CC2D2A: variants seen among roughly 807,000 people sequenced by gnomAD.
The protein encoded by CC2D2A is coiled-coil and C2 domain containing 2A.
In CC2D2A, 155 loss-of-function variants were observed where a neutral mutation model predicts 212.9. The observed-to-expected ratio is 0.73, with a 90% CI of 0.64 to 0.83. CC2D2A has a LOEUF of 0.83. Among genes scored for constraint, CC2D2A ranks in the 40% least tolerant of loss-of-function variants. CC2D2A has a pLI of 0.00. For synonymous variants in CC2D2A, 667 were observed against 686.5 expected (o/e 0.97, Z 0.44); for missense variants, 1,856 against 1,956.2 (o/e 0.95, Z 0.97).
rs16892059 is a variant in CC2D2A at position 15,498,097 on chromosome 4, G to T, written c.248-4332G>T. On this transcript the variant is annotated intron_variant, in intron 4 of 36. Transcript: ENST00000424120. ...TAAGCCTGGGTAACAGTGAGTATGG[G>T]TGATAGGAAAGAGGAGAGAGAGTGC... Among the ~76,000 whole-genome samples, 915 of 152,282 alleles carry T rather than the reference G, an allele frequency of 6.0e-3. 11 individuals carry two copies. The highest frequency in any genetic ancestry group is 0.021 in the African/African-American group (872 of 41,562).
chr4:15,533,051 C>T (rs896556583), intron 13 of CC2D2A, 142 bp from the exon 14 acceptor site: 1 of 603,274 alleles, frequency 1.7e-6, no homozygotes, highest in African/African-American at 2.0e-5. Context: ...TCTTTACATT[C>T]ACATTTGTAT....
Position 15,580,074 on chromosome 4 carries a change from TA to T in CC2D2A, c.3880del (p.Ser1294AlafsTer14), listed in dbSNP as rs1194741474. On this transcript the variant is annotated frameshift_variant, in exon 30 of 37. Transcript: ENST00000424120. LOFTEE classifies it high-confidence loss of function. ...CAGTGCCTTACAACAGTAATTGATA[TA>T]AGCGGAAAAACTGTTTTTATCACAC... ...NRQCLTTVID[I>X]SGKTVFITRY... 6.2e-7 allele frequency: 1 copy of T among 1,613,850 alleles called. No homozygotes were observed. Among genetic ancestry groups the T allele is most frequent in the Admixed American group, 1.7e-5 (1 of 60,012 alleles).
At chr4:15,579,947 A>G (rs1024138045) in intron 29 of CC2D2A, 21 bp from the exon 30 acceptor site, 4 of 1,589,626 alleles carry the variant, frequency 2.5e-6, no homozygotes, top group Non-Finnish European at 3.5e-6. Flanking sequence ...CATAAACTCC[A>G]TGAAGTCTTT....
intron 17 of CC2D2A, among the ~76,000 whole-genome samples, chr4:15,546,322 C>T (rs900649749): frequency 3.9e-5 from 6 of 152,172 alleles, no homozygotes; most frequent in African/African-American, 1.4e-4. Context: ...GTAACTTTAT[C>T]CTACATTCAT....
At chr4:15,569,955 G>A (rs890738221) in intron 27 of CC2D2A, among the ~76,000 whole-genome samples, 17 of 152,140 alleles carry the variant, frequency 1.1e-4, no homozygotes, top group Non-Finnish European at 1.3e-4. Context: ...TTTCCTAGCC[G>A]TCACTCAAGA....
At chr4:15,565,024 G>T (rs7674380) in intron 24 of CC2D2A, among the ~76,000 whole-genome samples, 145,925 of 152,264 alleles carry the variant, frequency 0.96, 70,224 homozygotes, top group East Asian at 1. Context: ...TAACTAATTC[G>T]TTAACCTATT....
At chr4:15,567,554 A>G (rs941655728) in intron 25 of CC2D2A, 72 bp downstream of exon 25, 1 of 1,392,708 alleles carries the variant, frequency 7.2e-7, no homozygotes, top group South Asian at 1.3e-5. Flanking sequence ...AACTTCATGG[A>G]TAGTCTGCTC....
chr4:15,553,445 GGTAAAAACAAAAAAT>G lies in CC2D2A; in HGVS notation c.2486+143_2486+157del, dbSNP rs146708633. 6,050 of 969,044 alleles carry G rather than the reference GGTAAAAACAAAAAAT, an allele frequency of 6.2e-3. 280 individuals are homozygous for G. The East Asian group carries it at 0.12, about 19-fold the overall frequency. The allele number at this position is 969,044 out of a possible 1,614,324, so 60.0% of individuals were successfully genotyped here. A position where few individuals can be genotyped will look rare whatever the true frequency, so the allele number is the denominator to read the frequency against. Reference sequence around the variant, plus strand: ...ATTTTCAAGAGTTTTTTATTCTTAAGGTAAAAACAAAAAATGTTTTATAATAACCTCTAGTCCAAA... The same window carrying G: ...ATTTTCAAGAGTTTTTTATTCTTAAGGTTTTATAATAACCTCTAGTCCAAA... On this transcript the variant is annotated intron_variant, in intron 19 of 36. Transcript: ENST00000424120.
chr4:15,553,023 G>A, intron 18 of CC2D2A, 135 bp from the exon 19 acceptor site: 1 of 674,926 alleles, frequency 1.5e-6, no homozygotes, highest in Non-Finnish European at 2.3e-6. Context: ...CAGTGACACT[G>A]GCTTGAATCA....
chr4:15,575,912 C>G (rs115895480), intron 29 of CC2D2A, among the ~76,000 whole-genome samples: 2 of 152,284 alleles, frequency 1.3e-5, no homozygotes, highest in Non-Finnish European at 2.9e-5. Context: ...TTCTAAAACA[C>G]GTGAAAGCAG....
intron 23 of CC2D2A, among the ~76,000 whole-genome samples, chr4:15,561,179 C>T (rs1454834375): frequency 6.6e-6 from 1 of 152,158 alleles, no homozygotes; most frequent in Non-Finnish European, 1.5e-5. Flanking sequence ...GCTTGATTGA[C>T]TCATTAGTTT....
intron 4 of CC2D2A, among the ~76,000 whole-genome samples, chr4:15,501,343 G>C (rs1176908842): frequency 6.6e-6 from 1 of 151,916 alleles, no homozygotes. Flanking sequence ...CTCACACCAG[G>C]ACATCCTGAC....
chr4:15,531,826 G>T (rs1359929474), intron 13 of CC2D2A, among the ~76,000 whole-genome samples: 2 of 152,126 alleles, frequency 1.3e-5, no homozygotes, highest in African/African-American at 4.8e-5. Context: ...AAGATGTCAT[G>T]TAACTCAGTA....
chr4:15,582,285 A>G (rs1720695473), intron 30 of CC2D2A, among the ~76,000 whole-genome samples: 1 of 152,176 alleles, frequency 6.6e-6, no homozygotes, highest in African/African-American at 2.4e-5. Flanking sequence ...TAGAATACAC[A>G]AGCAAAGAAA....
chr4:15,537,510 T>A lies in CC2D2A; in HGVS notation c.1765-389T>A, dbSNP rs946225886. Among the ~76,000 whole-genome samples the A allele has an allele frequency of 2.5e-4, 38 of 152,164 alleles. 1 individual carries two copies. The highest frequency in any genetic ancestry group is 8.7e-4 in the African/African-American group (36 of 41,442). ...GAGTCCAAGGGCAACAAATAATAGA[T>A]CAGGTGGGCCTGCAATGCTCACTGT... On this transcript the variant is annotated intron_variant, in intron 15 of 36. Transcript: ENST00000424120.
intron 1 of CC2D2A, among the ~76,000 whole-genome samples, chr4:15,472,725 T>C (rs1471654186): frequency 2.0e-5 from 3 of 152,148 alleles, no homozygotes; most frequent in Non-Finnish European, 4.4e-5. Flanking sequence ...TTCATCTTTA[T>C]TATCTGCCCC....
chr4:15,551,441 A>G (rs1350418668), intron 18 of CC2D2A, among the ~76,000 whole-genome samples: 1 of 152,042 alleles, frequency 6.6e-6, no homozygotes, highest in Non-Finnish European at 1.5e-5. Context: ...TCCTTCCTCC[A>G]TGTTTCTTAA....
Position 15,597,302 on chromosome 4 carries a change from A to G in CC2D2A, c.4438-105A>G, listed in dbSNP as rs776984972. On this transcript the variant is annotated intron_variant, in intron 34 of 36. Transcript: ENST00000424120. Reference sequence around the variant, plus strand: ...ATCAGCATGCATTATATTATTTTCTATATCTCGATGTCTGAGATTTCATTG... The same window carrying G: ...ATCAGCATGCATTATATTATTTTCTGTATCTCGATGTCTGAGATTTCATTG... 2.7e-5 allele frequency: 22 copies of G among 826,460 alleles called. 1 individual carries two copies. Among genetic ancestry groups the G allele is most frequent in the South Asian group, 6.1e-5 (4 of 65,536 alleles). 51.2% of individuals were successfully genotyped at this position (826,460 alleles called of 1,614,324 possible). A position where few individuals can be genotyped will look rare whatever the true frequency, so the allele number is the denominator to read the frequency against.
chr4:15,489,954 G>C (rs1715208040), intron 4 of CC2D2A, among the ~76,000 whole-genome samples: 1 of 152,118 alleles, frequency 6.6e-6, no homozygotes. Flanking sequence ...CCTAGGCTTA[G>C]TGCTTGGCTC....
Sources: allele counts gnomAD v4.1 joint callset (sites outside exome capture counted in the v4.1 genomes callset), GRCh38; gene constraint gnomAD v4.1.1; transcripts MANE v1.5; gene names NCBI Gene and HGNC (gene_info 2026-07-23, HGNC 2026-07-21).